CHURC1: variants seen among roughly 807,000 people sequenced by gnomAD.
The protein encoded by CHURC1 is churchill domain containing 1, also known as protein Churchill.
A neutral mutation model predicts 15.4 loss-of-function variants in CHURC1; 12 were observed. The ratio of observed to expected loss-of-function variants is 0.78; its 90% CI spans 0.50 to 1.27. The LOEUF is 1.27. Ranked by LOEUF, CHURC1 falls within the 50% of genes most tolerant of loss-of-function variation. CHURC1 has a pLI of 0.00. For missense variants in CHURC1, 132 were observed against 137.8 expected (o/e 0.96, Z 0.21); for synonymous variants, 42 against 47.5 (o/e 0.88, Z 0.48).
chr14:64,928,763 T>G (rs1174581310), intron 3 of CHURC1, among the ~76,000 whole-genome samples: 1 of 152,216 alleles, frequency 6.6e-6, no homozygotes, highest in East Asian at 1.9e-4. Flanking sequence ...TTTCTGCCCT[T>G]GAGGTCCAAA....
At position 64,926,036 on chromosome 14, in the gene CHURC1, A is replaced by G. The variant is rs750684564; in HGVS notation, c.202A>G (p.Ile68Val). 3.1e-6 allele frequency: 5 copies of G among 1,600,682 alleles called. No homozygotes were observed. Among genetic ancestry groups the G allele is most frequent in the Non-Finnish European group, 4.3e-6 (5 of 1,174,344 alleles). The change falls in exon 3 of 4, where the codon ATA becomes GTA. Residue 68 changes from isoleucine (I) to valine (V), a missense_variant. Physicochemically the swap from Ile to Val is conservative, Grantham distance 29. Coordinates refer to ENST00000549115, the MANE Select transcript of CHURC1 (RefSeq NM_001386928.1). Reference protein sequence around the residue: ...DHLCKNCHHVIARHEYTFSIM... With the variant: ...DHLCKNCHHVVARHEYTFSIM... ...TTTGTGTAAGAATTGTCATCATGTA[A>G]TAGCCAGACATGAGTATACATTCAG... is the stretch of plus-strand genomic sequence containing the variant.
At chr14:64,921,272 T>A (rs892727073) in intron 1 of CHURC1, among the ~76,000 whole-genome samples, 9 of 152,124 alleles carry the variant, frequency 5.9e-5, no homozygotes, top group African/African-American at 2.2e-4. Context: ...AGAAACTTTG[T>A]GCAACCCTGG....
chr14:64,931,812 G>A (rs921903139), intron 3 of CHURC1, among the ~76,000 whole-genome samples: 3 of 152,142 alleles, frequency 2.0e-5, no homozygotes, highest in Non-Finnish European at 4.4e-5. Context: ...TGCTAGAAAG[G>A]AACAGCTGTA....
rs531523269 is a variant in CHURC1, at chr14:64,934,689, A to T, written c.*2459A>T. ...ATCCAGAAAGCAGAGAAAATGCTTC[A>T]TTACTTTAAATAGCAGCATTAAGCC... On this transcript the variant is annotated 3_prime_UTR_variant, in exon 4 of 4. Coordinates refer to ENST00000549115, the MANE Select transcript of CHURC1 (RefSeq NM_001386928.1). The T allele has an allele frequency of 8.1e-6, 8 of 985,458 alleles. No homozygotes were observed. The East Asian group carries it at 3.4e-4, about 42-fold the overall frequency. The allele number at this position is 985,458 out of a possible 1,614,324, so 61.0% of individuals were successfully genotyped here.
chr14:64,922,577 CA>C (rs572205182), intron 1 of CHURC1, among the ~76,000 whole-genome samples: 12,638 of 83,836 alleles, frequency 0.15, 438 homozygotes, highest in East Asian at 0.38. Context: ...GACTCCGTCT[CA>C]AAAAAAAAAA....
intron 3 of CHURC1, chr14:64,930,780 T>C: frequency 2.3e-6 from 1 of 440,940 alleles, no homozygotes; most frequent in Middle Eastern, 3.4e-4. Context: ...ACTTTTTTCC[T>C]TCTTCTTTTC....
At position 64,932,610 on chromosome 14, in the gene CHURC1, C is replaced by T; in HGVS notation, c.*380C>T. 1 of 278,848 alleles carries T rather than the reference C, an allele frequency of 3.6e-6. No individual in the cohort carries two copies. 17.3% of individuals were successfully genotyped at this position (278,848 alleles called of 1,614,324 possible). ...ACTGTACAAGATGAGCCTAGAGTAT[C>T]TTGTGCCACAGAAAAATGAAGTACT... is the stretch of plus-strand genomic sequence containing the variant. On this transcript the variant is annotated 3_prime_UTR_variant, in exon 4 of 4. Coordinates refer to ENST00000549115, the MANE Select transcript of CHURC1 (RefSeq NM_001386928.1).
At chr14:64,923,041 A>G (rs970995787) in intron 1 of CHURC1, among the ~76,000 whole-genome samples, 7 of 152,192 alleles carry the variant, frequency 4.6e-5, no homozygotes, top group African/African-American at 9.7e-5. Context: ...TTTTAATCAC[A>G]TTATTTAAAA....
At chr14:64,916,326 A>G (rs1343621016) in intron 1 of CHURC1, among the ~76,000 whole-genome samples, 1 of 152,254 alleles carries the variant, frequency 6.6e-6, no homozygotes, top group Non-Finnish European at 1.5e-5. Flanking sequence ...GAAGGGTCAC[A>G]TGAGAAAAAG....
At chr14:64,927,709 T>G (rs1016428655) in intron 3 of CHURC1, among the ~76,000 whole-genome samples, 1 of 44,760 alleles carries the variant, frequency 2.2e-5, no homozygotes. Flanking sequence ...AGTCTACTTC[T>G]CCCCCCACCC....
chr14:64,934,393 A>G lies in CHURC1; in HGVS notation c.*2163A>G. On this transcript the variant is annotated 3_prime_UTR_variant, in exon 4 of 4. Coordinates refer to ENST00000549115, the MANE Select transcript of CHURC1 (RefSeq NM_001386928.1). ...ACAACAACAAAAAAAGAAGTTAAAT[A>G]ACTTGTTTAAGATCACACAGCTAGT... is the stretch of plus-strand genomic sequence containing the variant. The G allele has an allele frequency of 1.0e-6, 1 of 972,096 alleles. No individual in the cohort carries two copies. 60.2% of individuals were successfully genotyped at this position (972,096 alleles called of 1,614,324 possible). A position where few individuals can be genotyped will look rare whatever the true frequency, so the allele number is the denominator to read the frequency against.
chr14:64,928,733 ATTG>A (rs1884901536), intron 3 of CHURC1, among the ~76,000 whole-genome samples: 1 of 151,900 alleles, frequency 6.6e-6, no homozygotes, highest in Non-Finnish European at 1.5e-5. Context: ...TTTATTAACT[ATTG>A]TTGTCTTTTT....
chr14:64,924,278 C>T, intron 2 of CHURC1, 152 bp downstream of exon 2: 1 of 844,020 alleles, frequency 1.2e-6, no homozygotes, highest in Non-Finnish European at 1.6e-6. Flanking sequence ...GTCATTAACA[C>T]CTCATTTATC....
Position 64,933,417 on chromosome 14 carries a change from T to C in CHURC1, c.*1187T>C. 1.0e-6 allele frequency: 1 copy of C among 985,496 alleles called. No homozygotes were observed. 61.0% of individuals were successfully genotyped at this position (985,496 alleles called of 1,614,324 possible). On this transcript the variant is annotated 3_prime_UTR_variant, in exon 4 of 4. Coordinates refer to ENST00000549115, the MANE Select transcript of CHURC1 (RefSeq NM_001386928.1). ...GGATTTTAGAATATCTTACTTTGCA[T>C]AGTTTCATGAGCACTGGCCAGGAGG...
intron 3 of CHURC1, among the ~76,000 whole-genome samples, chr14:64,926,862 C>T (rs915889279): frequency 6.6e-6 from 1 of 152,116 alleles, no homozygotes; most frequent in African/African-American, 2.4e-5. Context: ...TGATATAGGC[C>T]TGTAGTTGCT....
At chr14:64,920,915 GA>G (rs578095410) in intron 1 of CHURC1, among the ~76,000 whole-genome samples, 76 of 152,208 alleles carry the variant, frequency 5.0e-4, no homozygotes, top group African/African-American at 1.8e-3. Context: ...AAAGAACCAA[GA>G]ATAGCCAGAT....
At chr14:64,921,754 C>T (rs980449137) in intron 1 of CHURC1, among the ~76,000 whole-genome samples, 5 of 152,098 alleles carry the variant, frequency 3.3e-5, no homozygotes, top group African/African-American at 1.2e-4. Context: ...TTAAATATAC[C>T]ATATTTTTAC....
rs1885239547 is a variant in CHURC1 at position 64,934,555 on chromosome 14, AAAGTT to A, written c.*2330_*2334del. The stretch of plus-strand genomic sequence containing the variant: ...GTCAGATGAAGATTTATTATTCAGA[AAAGTT>A]AAGTCAGCTGTTGCAGGGATCAGTT... On this transcript the variant is annotated 3_prime_UTR_variant, in exon 4 of 4. Transcript: ENST00000549115. 1 of 985,324 alleles carries A rather than the reference AAAGTT, an allele frequency of 1.0e-6. No individual in the cohort carries two copies. The highest frequency in any genetic ancestry group is 1.2e-6 in the Non-Finnish European group (1 of 829,932). The allele number at this position is 985,324 out of a possible 1,614,324, so 61.0% of individuals were successfully genotyped here.
intron 3 of CHURC1, chr14:64,930,771 C>T: frequency 2.3e-6 from 1 of 437,420 alleles, no homozygotes. Flanking sequence ...TGACTCTTTA[C>T]TTTTTTCCTT....
Sources: gnomAD v4.1 joint callset for allele counts (sites outside exome capture counted in the v4.1 genomes callset) on GRCh38, gnomAD v4.1.1 for gene constraint, MANE v1.5 for transcripts, NCBI Gene and HGNC (gene_info 2026-07-23, HGNC 2026-07-21) for gene names.